Variants in DTNA observed in about 807,000 individuals in gnomAD.
DTNA encodes dystrophin-related protein 3.
A neutral mutation model predicts 100.7 loss-of-function variants in DTNA; 43 were observed. The observed-to-expected ratio is 0.43, with a 90% CI of 0.33 to 0.55. DTNA has a LOEUF of 0.55. DTNA is among the 20% of genes least tolerant of loss of function. The pLI, the probability that DTNA is intolerant of heterozygous loss-of-function variation, is 0.04. For synonymous variants in DTNA, 349 were observed against 347.9 expected (o/e 1.00, Z -0.04); for missense variants, 798 against 953.9 (o/e 0.84, Z 2.15).
intron 1 of DTNA, among the ~76,000 whole-genome samples, chr18:34,676,258 G>A (rs749832868): frequency 3.9e-5 from 6 of 152,038 alleles, no homozygotes; most frequent in African/African-American, 1.2e-4. Flanking sequence ...ATTTGAGGGG[G>A]TCCTCTTATT....
At chr18:34,645,866 T>C (rs1343056110) in intron 1 of DTNA, among the ~76,000 whole-genome samples, 2 of 152,122 alleles carry the variant, frequency 1.3e-5, no homozygotes, top group Non-Finnish European at 1.5e-5. Flanking sequence ...TTTGAAAAAA[T>C]TGGGTCTTGC....
chr18:34,869,276 CTT>C (rs1341398738), intron 17 of DTNA, among the ~76,000 whole-genome samples: 2 of 152,054 alleles, frequency 1.3e-5, no homozygotes, highest in Non-Finnish European at 2.9e-5. Flanking sequence ...TATATATAAA[CTT>C]TTCAAATTTG....
intron 13 of DTNA, among the ~76,000 whole-genome samples, chr18:34,840,919 A>C (rs2149754000): frequency 6.6e-6 from 1 of 152,062 alleles, no homozygotes; most frequent in Middle Eastern, 3.4e-3. Flanking sequence ...TAATGTAATG[A>C]CCTCTTACCT....
At chr18:34,655,655 T>C (rs929068451) in intron 1 of DTNA, among the ~76,000 whole-genome samples, 1 of 152,240 alleles carries the variant, frequency 6.6e-6, no homozygotes, top group Non-Finnish European at 1.5e-5. Context: ...CATGTTAAAT[T>C]GTGTCCTCTT....
At chr18:34,499,247 T>C (rs1417581755) in intron 1 of DTNA, among the ~76,000 whole-genome samples, 1 of 152,194 alleles carries the variant, frequency 6.6e-6, no homozygotes, top group Non-Finnish European at 1.5e-5. Context: ...ATGGGAACTT[T>C]TGGGATTGGT....
intron 1 of DTNA, among the ~76,000 whole-genome samples, chr18:34,496,802 G>C (rs2039290864): frequency 6.6e-6 from 1 of 152,216 alleles, no homozygotes; most frequent in Admixed American, 6.5e-5. Flanking sequence ...TGCCTGAAAA[G>C]CCACATATTT....
intron 1 of DTNA, among the ~76,000 whole-genome samples, chr18:34,561,342 T>C (rs762014257): frequency 6.6e-6 from 1 of 152,192 alleles, no homozygotes; most frequent in Non-Finnish European, 1.5e-5. Flanking sequence ...TTACAGAACT[T>C]CTCAGTACTG....
chr18:34,558,460 T>G (rs953311353), intron 1 of DTNA, among the ~76,000 whole-genome samples: 1 of 152,190 alleles, frequency 6.6e-6, no homozygotes, highest in Non-Finnish European at 1.5e-5. Flanking sequence ...CTGTTGTGTG[T>G]CAGACACTAT....
rs8089363 is a variant in DTNA, at chr18:34,775,418, G to C, written c.148+9377G>C. On this transcript the variant is annotated intron_variant, in intron 3 of 22. Transcript: ENST00000444659. ...GGAGAATGGCGTGAACCTGGGATGC[G>C]GAGCTTGCAGTGAGCCAAGATTGCA... Among the ~76,000 whole-genome samples the C allele has an allele frequency of 6.4e-3, 978 of 152,174 alleles. 5 individuals carry two copies. The highest frequency in any genetic ancestry group is 0.023 in the African/African-American group (938 of 41,508).
chr18:34,755,838 G>A (rs1280826518), intron 1 of DTNA, 138 bp from the exon 2 acceptor site: 3 of 751,216 alleles, frequency 4.0e-6, no homozygotes, highest in African/African-American at 1.7e-5. Flanking sequence ...AACTAAAGCT[G>A]TACTTTTTAA....
At chr18:34,863,520 A>C (rs553520435) in intron 16 of DTNA, among the ~76,000 whole-genome samples, 1 of 117,242 alleles carries the variant, frequency 8.5e-6, no homozygotes, top group Non-Finnish European at 1.7e-5. Context: ...TACTTTTCTA[A>C]ATATATTTCC....
At chr18:34,818,488 G>T in intron 8 of DTNA, 158 bp downstream of exon 8, 1 of 1,520,580 alleles carries the variant, frequency 6.6e-7, no homozygotes, top group Non-Finnish European at 8.8e-7. Flanking sequence ...ACCCTACTGC[G>T]TGCTCTTACT....
chr18:34,732,296 A>G (rs909081676), intron 1 of DTNA, among the ~76,000 whole-genome samples: 8 of 152,216 alleles, frequency 5.3e-5, no homozygotes, highest in Admixed American at 5.2e-4. Flanking sequence ...TTTTCTGAAG[A>G]GGACAATGTG....
rs547525162 is a variant in DTNA at position 34,619,920 on chromosome 18, G to T, written c.-2+126406G>T. On this transcript the variant is annotated intron_variant, in intron 1 of 19. Transcript: ENST00000283365. Reference sequence around the variant, plus strand: ...ACCCTAGAGAACACTTATGATTTTGGTTGAGAAAAAGTTAATTGTATCATC... The same window carrying T: ...ACCCTAGAGAACACTTATGATTTTGTTTGAGAAAAAGTTAATTGTATCATC... Among the ~76,000 whole-genome samples, 5 of 152,274 alleles carry T rather than the reference G, an allele frequency of 3.3e-5. No individual in the cohort carries two copies. In the East Asian group the frequency reaches 9.6e-4, roughly 29 times the overall value.
At chr18:34,702,583 G>A (rs545113642) in intron 1 of DTNA, among the ~76,000 whole-genome samples, 1 of 152,106 alleles carries the variant, frequency 6.6e-6, no homozygotes, top group South Asian at 2.1e-4. Context: ...TTATCCCCAC[G>A]TCCAGAACCT....
chr18:34,880,602 A>C (rs2150384569), intron 20 of DTNA, among the ~76,000 whole-genome samples: 1 of 152,312 alleles, frequency 6.6e-6, no homozygotes, highest in Non-Finnish European at 1.5e-5. Flanking sequence ...CTAGTCTATA[A>C]AAATAAACTG....
intron 1 of DTNA, among the ~76,000 whole-genome samples, chr18:34,669,949 A>G (rs1450350013): frequency 6.6e-6 from 1 of 152,032 alleles, no homozygotes; most frequent in African/African-American, 2.4e-5. Context: ...CATTCTCTGT[A>G]TTTCCTGAAT....
At chr18:34,744,905 A>G (rs1285768126) in intron 1 of DTNA, among the ~76,000 whole-genome samples, 1 of 152,080 alleles carries the variant, frequency 6.6e-6, no homozygotes, top group Non-Finnish European at 1.5e-5. Context: ...TAAGAAGCTC[A>G]GTGGGATTTG....
chr18:34,634,339 G>A (rs901555537), intron 1 of DTNA, among the ~76,000 whole-genome samples: 6 of 151,678 alleles, frequency 4.0e-5, no homozygotes, highest in Admixed American at 3.3e-4. Flanking sequence ...TTAAAATTAA[G>A]AAATTTAAAA....
Sources: allele counts gnomAD v4.1 joint callset (sites outside exome capture counted in the v4.1 genomes callset), GRCh38; gene constraint gnomAD v4.1.1; transcripts MANE v1.5; gene names NCBI Gene and HGNC (gene_info 2026-07-23, HGNC 2026-07-21).